UAP1: variants seen among roughly 807,000 people sequenced by gnomAD.
UAP1 encodes UDP-N-acetylhexosamine pyrophosphorylase.
In UAP1, 25 loss-of-function variants were observed where a neutral mutation model predicts 58.5. That is an observed-to-expected ratio of 0.43 (90% CI 0.31 to 0.60). The LOEUF (loss-of-function observed/expected upper bound fraction) is 0.60, where lower values mean the gene tolerates loss of function less well. Ranked by LOEUF, UAP1 falls within the 20% of genes least tolerant of loss-of-function variation. The pLI is 0.11. For missense variants in UAP1, 575 were observed against 630.0 expected (o/e 0.91, Z 0.93); for synonymous variants, 208 against 213.0 (o/e 0.98, Z 0.21).
At chr1:162,597,610 GA>G in intron 9 of UAP1, 181 bp from the exon 10 acceptor site, 1 of 530,276 alleles carries the variant, frequency 1.9e-6, no homozygotes. Context: ...CTTCTGACCT[GA>G]GAATTTCATA....
At chr1:162,593,166 A>G (rs1320548772) in intron 9 of UAP1, 6 of 215,066 alleles carry the variant, frequency 2.8e-5, no homozygotes, top group Non-Finnish European at 5.5e-5. Flanking sequence ...AATTGGGTGT[A>G]TGCTCTCAGT....
At chr1:162,573,377 G>T (rs1300093815) in intron 2 of UAP1, among the ~76,000 whole-genome samples, 1 of 152,110 alleles carries the variant, frequency 6.6e-6, no homozygotes, top group Non-Finnish European at 1.5e-5. Context: ...GTGACCCTGG[G>T]CGAGACTCTT....
chr1:162,594,083 G>T (rs935026699), intron 9 of UAP1, among the ~76,000 whole-genome samples: 1 of 152,118 alleles, frequency 6.6e-6, no homozygotes, highest in East Asian at 1.9e-4. Context: ...TGGTGAGGGT[G>T]GTTTCAGGAT....
chr1:162,583,950 T>A (rs1239921207), intron 5 of UAP1, among the ~76,000 whole-genome samples: 1 of 152,210 alleles, frequency 6.6e-6, no homozygotes, highest in Non-Finnish European at 1.5e-5. Flanking sequence ...AGAGTTCTAG[T>A]ACTTTATAAG....
intron 5 of UAP1, among the ~76,000 whole-genome samples, chr1:162,583,775 G>T (rs1250937584): frequency 6.6e-6 from 1 of 152,056 alleles, no homozygotes; most frequent in African/African-American, 2.4e-5. Context: ...CCACAGGCGT[G>T]CACCACCACA....
At chr1:162,570,148 CAA>C (rs11405209) in intron 2 of UAP1, among the ~76,000 whole-genome samples, 10 of 95,558 alleles carry the variant, frequency 1.0e-4, no homozygotes, top group Non-Finnish European at 8.6e-5. Flanking sequence ...GACTCCGTCT[CAA>C]AAAAAAAAAA....
chr1:162,573,516 A>G (rs1221382467), intron 2 of UAP1, among the ~76,000 whole-genome samples: 3 of 152,196 alleles, frequency 2.0e-5, no homozygotes, highest in Non-Finnish European at 2.9e-5. Context: ...AACTCTGATG[A>G]GGTACAATTA....
At chr1:162,598,124 T>C (rs1655718104) in intron 10 of UAP1, among the ~76,000 whole-genome samples, 1 of 152,100 alleles carries the variant, frequency 6.6e-6, no homozygotes, top group Non-Finnish European at 1.5e-5. Context: ...CCCAGTACTT[T>C]GGGAGGCTGA....
intron 2 of UAP1, among the ~76,000 whole-genome samples, chr1:162,570,134 GCGAGA>G (rs1653767382): frequency 6.7e-6 from 1 of 149,262 alleles, no homozygotes; most frequent in Admixed American, 6.7e-5. Context: ...GGTTGACAGA[GCGAGA>G]CTCCGTCTCA....
intron 8 of UAP1, 44 bp downstream of exon 8, chr1:162,590,555 C>A: frequency 6.7e-7 from 1 of 1,498,634 alleles, no homozygotes; most frequent in Admixed American, 2.1e-5. Flanking sequence ...CTTTCTTGGA[C>A]TTTTCCTCTT....
chr1:162,584,563 G>C (rs559897731), intron 5 of UAP1, among the ~76,000 whole-genome samples: 1 of 152,166 alleles, frequency 6.6e-6, no homozygotes, highest in African/African-American at 2.4e-5. Context: ...CTTCACTGCA[G>C]CCTCGACCTC....
At chr1:162,575,949 C>T (rs1432397094) in intron 2 of UAP1, among the ~76,000 whole-genome samples, 1 of 152,186 alleles carries the variant, frequency 6.6e-6, no homozygotes, top group Admixed American at 6.5e-5. Flanking sequence ...TCCCAAAGTG[C>T]TGGAGTGAGC....
chr1:162,585,991 A>G (rs933580824), intron 5 of UAP1, among the ~76,000 whole-genome samples: 4 of 152,296 alleles, frequency 2.6e-5, no homozygotes, highest in Admixed American at 6.5e-5. Context: ...GTTTCTTTTC[A>G]TTAAGAACTG....
chr1:162,579,810 G>C (rs1337246781), intron 4 of UAP1, among the ~76,000 whole-genome samples: 2 of 152,082 alleles, frequency 1.3e-5, no homozygotes, highest in African/African-American at 4.8e-5. Flanking sequence ...CTGCTCTATG[G>C]AGCAATTTGA....
Position 162,587,563 on chromosome 1 carries a change from C to T in UAP1, c.923C>T (p.Ser308Phe), listed in dbSNP as rs1009696314. The T allele has an allele frequency of 5.6e-6, 9 of 1,613,942 alleles. No homozygotes were observed. In the African/African-American group the frequency reaches 1.2e-4, roughly 22 times the overall value. ...CAGGTGGTAGAATATAGTGAGATTT[C>T]CCTGGCAACAGCTCAAAAACGAAGC... Residue 308 changes from serine to phenylalanine, a missense_variant, in exon 6 of 11, where the codon TCC becomes TTC. By Grantham distance (155) the Ser-to-Phe change is radical (BLOSUM62 -2). Coordinates refer to ENST00000271469, the Ensembl canonical transcript of UAP1.
chr1:162,587,759 A>G, intron 6 of UAP1, 91 bp downstream of exon 6: 1 of 1,207,992 alleles, frequency 8.3e-7, no homozygotes, highest in Non-Finnish European at 1.2e-6. Context: ...CCAAGTCCAT[A>G]TCCCACAGAA....
chr1:162,579,031 T>G (rs933716821), intron 3 of UAP1, among the ~76,000 whole-genome samples: 3 of 152,184 alleles, frequency 2.0e-5, no homozygotes, highest in Admixed American at 2.0e-4. Flanking sequence ...ATTTCAGATT[T>G]CAATAAAAAG....
At chr1:162,585,386 T>A (rs888512967) in intron 5 of UAP1, among the ~76,000 whole-genome samples, 1 of 152,088 alleles carries the variant, frequency 6.6e-6, no homozygotes, top group Non-Finnish European at 1.5e-5. Context: ...GCCTCCTGAA[T>A]CGCTGGGATT....
At chr1:162,589,210 T>TATA (rs34833271) in intron 7 of UAP1, among the ~76,000 whole-genome samples, 6 of 10,502 alleles carry the variant, frequency 5.7e-4, no homozygotes, top group South Asian at 6.0e-3. Context: ...TATATTTAAA[T>TATA]ATATATAATA....
Sources: gnomAD v4.1 joint callset for allele counts (sites outside exome capture counted in the v4.1 genomes callset) on GRCh38, gnomAD v4.1.1 for gene constraint, MANE v1.5 for transcripts, NCBI Gene and HGNC (gene_info 2026-07-23, HGNC 2026-07-21) for gene names.